The following ARHGAP28 variants were observed in gnomAD, a reference collection of about 807,000 sequenced individuals.
ARHGAP28 encodes rho GTPase-activating protein 28.
In ARHGAP28, 56 loss-of-function variants were observed where a neutral mutation model predicts 90.7. The ratio of observed to expected loss-of-function variants is 0.62; its 90% confidence interval spans 0.50 to 0.77. The LOEUF is 0.77. ARHGAP28 is among the 30% of genes least tolerant of loss of function. ARHGAP28 has a pLI of 0.00. For synonymous variants in ARHGAP28, 308 were observed against 323.3 expected, an observed-to-expected ratio of 0.95 and a Z score of 0.51; for missense variants, 869 against 900.9, an observed-to-expected ratio of 0.96 and a Z score of 0.45.
chr18:6,743,752 C>T (rs915206178), intron 1 of ARHGAP28, among the ~76,000 whole-genome samples: 25 of 151,114 alleles, frequency 1.7e-4, no homozygotes, highest in African/African-American at 5.9e-4. Flanking sequence ...TCATTTCACT[C>T]ATTAAAACAA....
intron 3 of ARHGAP28, among the ~76,000 whole-genome samples, chr18:6,840,108 G>C (rs2056793935): frequency 6.6e-6 from 1 of 152,194 alleles, no homozygotes; most frequent in South Asian, 2.1e-4. Flanking sequence ...ACTCCAGCTG[G>C]TGGGAGACTA....
intron 3 of ARHGAP28, among the ~76,000 whole-genome samples, chr18:6,841,208 C>CCTCTCTCTCTCTCTCTCTCTCCT (rs369622522): frequency 2.3e-5 from 1 of 43,136 alleles, no homozygotes; most frequent in African/African-American, 9.2e-5. Flanking sequence ...TCTCTCCTCT[C>CCTCTCTCTCTCTCTCTCTCTCCT]CTCTCTCTCT....
chr18:6,809,863 A>G (rs1179897309), intron 1 of ARHGAP28, among the ~76,000 whole-genome samples: 5 of 152,208 alleles, frequency 3.3e-5, no homozygotes, highest in African/African-American at 1.2e-4. Flanking sequence ...TGCAGTACCT[A>G]GAATGGTGTC....
intron 1 of ARHGAP28, among the ~76,000 whole-genome samples, chr18:6,732,251 A>G (rs927333774): frequency 1.3e-5 from 2 of 152,162 alleles, no homozygotes; most frequent in Admixed American, 1.3e-4. Flanking sequence ...AATTCCTGCC[A>G]AGATTACAAA....
At position 6,894,864 on chromosome 18, in the gene ARHGAP28, G is replaced by T. The variant is rs768352309; in HGVS notation, c.1878G>T (p.Leu626=). The T allele has an allele frequency of 1.2e-6, 2 of 1,614,012 alleles. No homozygotes were observed. The highest frequency in any genetic ancestry group is 2.2e-5 in the East Asian group (1 of 44,870). The change falls in exon 15 of 18, where the codon CTG becomes CTT. Residue 626 remains leucine, a synonymous_variant. Transcript: ENST00000383472. ...ETASPKTSKV[L]QKSPSARRMS... ...CAAGCCCCAAGACTTCAAAGGTACTGCAAAAATCACCCTCGGCAAGACGAA... is the reference window on the plus strand; with the variant it reads ...CAAGCCCCAAGACTTCAAAGGTACTTCAAAAATCACCCTCGGCAAGACGAA...
intron 4 of ARHGAP28, among the ~76,000 whole-genome samples, chr18:6,856,187 A>C (rs1485072661): frequency 1.3e-5 from 2 of 152,164 alleles, no homozygotes; most frequent in Admixed American, 6.5e-5. Flanking sequence ...TCTGTTTTCT[A>C]GTTTTCTTCA....
intron 14 of ARHGAP28, among the ~76,000 whole-genome samples, chr18:6,892,057 T>C (rs1194606638): frequency 1.3e-5 from 2 of 152,184 alleles, no homozygotes; most frequent in African/African-American, 4.8e-5. Flanking sequence ...GCAAAGTGAC[T>C]TCATATCAAG....
At chr18:6,888,253 C>G (rs957547575) in intron 12 of ARHGAP28, among the ~76,000 whole-genome samples, 1 of 152,126 alleles carries the variant, frequency 6.6e-6, no homozygotes, top group Non-Finnish European at 1.5e-5. Context: ...ATCAAAGTTT[C>G]TCTTGCTCTC....
At chr18:6,870,873 T>C (rs975500635) in intron 7 of ARHGAP28, 141 bp downstream of exon 7, 2 of 839,902 alleles carry the variant, frequency 2.4e-6, no homozygotes, top group Non-Finnish European at 3.5e-6. Flanking sequence ...CGATCTCGGC[T>C]CACTGCAAGC....
chr18:6,854,647 T>G (rs2143307203), intron 4 of ARHGAP28, among the ~76,000 whole-genome samples: 1 of 152,094 alleles, frequency 6.6e-6, no homozygotes, highest in East Asian at 1.9e-4. Flanking sequence ...GCAGCCAGGG[T>G]TGTGCCTTCC....
chr18:6,839,355 G>C (rs895446452), intron 3 of ARHGAP28, among the ~76,000 whole-genome samples: 1 of 149,930 alleles, frequency 6.7e-6, no homozygotes, highest in Non-Finnish European at 1.5e-5. Context: ...GTGCAGTGGC[G>C]CAATCTCGGC....
chr18:6,831,104 A>G (rs969557146), intron 2 of ARHGAP28, among the ~76,000 whole-genome samples: 3 of 152,164 alleles, frequency 2.0e-5, no homozygotes, highest in African/African-American at 7.2e-5. Flanking sequence ...TGATGCTTTC[A>G]GTCTCCATCA....
intron 14 of ARHGAP28, among the ~76,000 whole-genome samples, chr18:6,893,237 A>G (rs2057279676): frequency 6.6e-6 from 1 of 152,220 alleles, no homozygotes; most frequent in African/African-American, 2.4e-5. Flanking sequence ...CACCAGACAG[A>G]TGAGAACAAA....
intron 3 of ARHGAP28, among the ~76,000 whole-genome samples, chr18:6,849,140 C>A (rs1749835174): frequency 6.6e-6 from 1 of 151,270 alleles, no homozygotes; most frequent in Admixed American, 6.6e-5. Context: ...TTCCTGTAGT[C>A]CCAGCTATTT....
intron 1 of ARHGAP28, among the ~76,000 whole-genome samples, chr18:6,786,086 G>C (rs150882683): frequency 6.6e-6 from 1 of 152,294 alleles, no homozygotes; most frequent in East Asian, 1.9e-4. Flanking sequence ...AATTGGGAGG[G>C]AGGTTTATGT....
At chr18:6,894,171 T>C (rs2057288159) in intron 14 of ARHGAP28, among the ~76,000 whole-genome samples, 1 of 152,144 alleles carries the variant, frequency 6.6e-6, no homozygotes, top group South Asian at 2.1e-4. Flanking sequence ...CCAGCCACTA[T>C]ATTGTGTTTT....
chr18:6,809,212 C>T (rs1337235071), intron 1 of ARHGAP28, among the ~76,000 whole-genome samples: 1 of 152,148 alleles, frequency 6.6e-6, no homozygotes, highest in Non-Finnish European at 1.5e-5. Flanking sequence ...AAAATGGTTG[C>T]CTCCTCTATT....
chr18:6,898,557 CT>C lies in ARHGAP28; in HGVS notation c.2030+1932del, dbSNP rs977356095. The C allele has an allele frequency of 3.1e-6, 5 of 1,613,170 alleles. No individual in the cohort carries two copies. The Admixed American group carries it at 6.7e-5, about 22-fold the overall frequency. ...ACATGTATTCCTCTTCACTATTGGC[CT>C]GGACATCTCCACATAGGCAGTCATA... On this transcript the variant is annotated intron_variant, in intron 16 of 17. Transcript: ENST00000383472.
chr18:6,736,803 G>A (rs1467129762), intron 1 of ARHGAP28, among the ~76,000 whole-genome samples: 2 of 151,412 alleles, frequency 1.3e-5, no homozygotes, highest in Admixed American at 6.6e-5. Context: ...TTAAGAGAGT[G>A]TAGTTGTTCT....
Sources: allele counts gnomAD v4.1 joint callset (sites outside exome capture counted in the v4.1 genomes callset), GRCh38; gene constraint gnomAD v4.1.1; transcripts MANE v1.5; gene names NCBI Gene and HGNC (gene_info 2026-07-23, HGNC 2026-07-21).